The following ADARB1 variants were observed in gnomAD, a reference collection of about 807,000 sequenced individuals.
The protein encoded by ADARB1 is double-stranded RNA-specific editase 1.
A neutral mutation model predicts 52.4 loss-of-function variants in ADARB1; 10 were observed. The observed-to-expected ratio is 0.19, with a 90% CI of 0.12 to 0.32. The LOEUF is 0.32. ADARB1 is among the 10% of genes least tolerant of loss of function. The pLI is 1.00. For missense variants in ADARB1, 643 were observed against 922.3 expected (o/e 0.70, Z 3.92); for synonymous variants, 349 against 371.1 (o/e 0.94, Z 0.68).
chr21:45,149,642 A>G (rs915157025), intron 2 of ADARB1, among the ~76,000 whole-genome samples: 1 of 152,270 alleles, frequency 6.6e-6, no homozygotes. Context: ...TGTTCTGTTC[A>G]GAGGCCACTC....
At chr21:45,164,993 A>G (rs2091185051) in intron 2 of ADARB1, among the ~76,000 whole-genome samples, 1 of 152,154 alleles carries the variant, frequency 6.6e-6, no homozygotes, top group Admixed American at 6.5e-5. Flanking sequence ...GCTGCCCGGG[A>G]TGGCCAGGTG....
At chr21:45,207,353 C>G (rs1292421302) in intron 9 of ADARB1, among the ~76,000 whole-genome samples, 1 of 152,194 alleles carries the variant, frequency 6.6e-6, no homozygotes, top group Admixed American at 6.5e-5. Flanking sequence ...GACGAGGACT[C>G]CTGTGAATCA....
At chr21:45,145,361 G>A (rs1244586428) in intron 2 of ADARB1, 1 of 152,588 alleles carries the variant, frequency 6.6e-6, no homozygotes, top group Non-Finnish European at 1.5e-5. Flanking sequence ...GTTTCTGTGG[G>A]AAAGGCAGGG....
In ADARB1 at chr21:45,200,246, C is replaced by T. The variant is rs2092521496; in HGVS notation, c.1566-4309C>T. On this transcript the variant is annotated intron_variant, in intron 8 of 10. Transcript: ENST00000348831. This position sits in a 1 kb window ranked among gnomAD's most constrained non-coding sequence, Gnocchi z 5.0. Reference sequence around the variant, plus strand: ...TGGGGGTGGGGTGGGAGCCACAGCACTGCCATTGGAGGTCACCAGGGTGTC... The same window carrying T: ...TGGGGGTGGGGTGGGAGCCACAGCATTGCCATTGGAGGTCACCAGGGTGTC... Among the ~76,000 whole-genome samples the T allele has an allele frequency of 6.6e-6, 1 of 152,214 alleles. No homozygotes were observed. Among genetic ancestry groups the T allele is most frequent in the African/African-American group, 2.4e-5 (1 of 41,452 alleles).
At chr21:45,086,356 G>T (rs893639950) in intron 1 of ADARB1, among the ~76,000 whole-genome samples, 4 of 152,180 alleles carry the variant, frequency 2.6e-5, no homozygotes, top group Non-Finnish European at 5.9e-5. Context: ...TTAAACAGCT[G>T]CCATGAAATG....
At chr21:45,149,202 G>A (rs769505153) in intron 2 of ADARB1, among the ~76,000 whole-genome samples, 74 of 152,238 alleles carry the variant, frequency 4.9e-4, no homozygotes, top group Non-Finnish European at 9.3e-4. Context: ...TATTCCTCTC[G>A]GCAGGCTCCA....
intron 1 of ADARB1, among the ~76,000 whole-genome samples, chr21:45,084,906 C>G (rs2086281408): frequency 6.6e-6 from 1 of 152,162 alleles, no homozygotes; most frequent in African/African-American, 2.4e-5. Flanking sequence ...GGAATCTTTT[C>G]AAGAATGTAA....
At position 45,179,024 on chromosome 21, in the gene ADARB1, A is replaced by T. The variant is rs533517215; in HGVS notation, c.964-1306A>T. Among the ~76,000 whole-genome samples the T allele has an allele frequency of 2.0e-5, 3 of 152,306 alleles. No individual in the cohort carries two copies. The East Asian group carries it at 5.8e-4, about 29-fold the overall frequency. On this transcript the variant is annotated intron_variant, in intron 4 of 10. Transcript: ENST00000348831. The stretch of plus-strand genomic sequence containing the variant: ...TGGAAACTTTTATTTCCTCTGGCTT[A>T]TCCCTAATCTTCTTATGACTTTTTC...
Position 45,126,185 on chromosome 21 carries a change from T to A in ADARB1, c.-219-2217T>A, listed in dbSNP as rs536793960. On this transcript the variant is annotated intron_variant, in intron 1 of 10. Transcript: ENST00000348831. ...TATTACGATCAGAGGATGAGCTCTG[T>A]CTGATTTCAGCCACCTGAAATATGT... Among the ~76,000 whole-genome samples, 8 of 152,334 alleles carry A rather than the reference T, an allele frequency of 5.3e-5. No homozygotes were observed. In the East Asian group the frequency reaches 9.6e-4, roughly 18 times the overall value.
At chr21:45,103,695 C>G (rs899244242) in intron 1 of ADARB1, among the ~76,000 whole-genome samples, 1 of 151,996 alleles carries the variant, frequency 6.6e-6, no homozygotes, top group South Asian at 2.1e-4. Flanking sequence ...GGTTGGGACT[C>G]CTGTATTAAA....
chr21:45,199,416 G>A (rs2092500513), intron 8 of ADARB1, among the ~76,000 whole-genome samples: 1 of 152,210 alleles, frequency 6.6e-6, no homozygotes. Context: ...GAAGAGGACT[G>A]GGGCTCTGTC....
intron 4 of ADARB1, 44 bp from the exon 5 acceptor site, chr21:45,180,286 C>T (rs2091882178): frequency 2.1e-6 from 3 of 1,410,136 alleles, no homozygotes; most frequent in Non-Finnish European, 1.0e-6. Context: ...GCCCTGCTCC[C>T]AGCTGCATCT....
chr21:45,223,404 C>G lies in ADARB1; in HGVS notation c.*1207C>G. ...GGGACGGCCCCACGACAGAGGGAGTCAGCCCGGGAGGTCAGGAGCGCGGCG... is the reference window on the plus strand; with the variant it reads ...GGGACGGCCCCACGACAGAGGGAGTGAGCCCGGGAGGTCAGGAGCGCGGCG... On this transcript the variant is annotated 3_prime_UTR_variant, in exon 11 of 11. Transcript: ENST00000348831. The G allele has an allele frequency of 1.0e-6, 1 of 985,792 alleles. No homozygotes were observed. The allele number at this position is 985,792 out of a possible 1,614,324, so 61.1% of individuals were successfully genotyped here.
chr21:45,090,220 G>T (rs1040151396), intron 1 of ADARB1, among the ~76,000 whole-genome samples: 1 of 152,104 alleles, frequency 6.6e-6, no homozygotes, highest in African/African-American at 2.4e-5. Context: ...TTCATTAATA[G>T]ATTTCCTGAT....
At chr21:45,197,672 A>G (rs9974232) in intron 8 of ADARB1, among the ~76,000 whole-genome samples, 104,376 of 152,122 alleles carry the variant, frequency 0.69, 36,337 homozygotes, top group African/African-American at 0.81. Context: ...CAATCCACGC[A>G]GCCATCAACC....
intron 2 of ADARB1, chr21:45,146,397 A>G (rs2090009520): frequency 6.6e-6 from 1 of 152,270 alleles, no homozygotes; most frequent in Non-Finnish European, 1.5e-5. Flanking sequence ...TGAGTTATGC[A>G]TCAGTTGGGA....
At chr21:45,210,861 C>G (rs1419068079) in intron 9 of ADARB1, among the ~76,000 whole-genome samples, 1 of 152,202 alleles carries the variant, frequency 6.6e-6, no homozygotes, top group Admixed American at 6.5e-5. Context: ...GCCTCTCAGC[C>G]CCACTCCCCC....
intron 1 of ADARB1, among the ~76,000 whole-genome samples, chr21:45,109,242 TGC>T (rs1569015576): frequency 2.9e-5 from 4 of 136,950 alleles, no homozygotes; most frequent in African/African-American, 5.6e-5. Context: ...TATATGTGTG[TGC>T]GCGCGTGTGC....
chr21:45,226,458 T>G lies in ADARB1; in HGVS notation c.*4261T>G, dbSNP rs1168903341. 1.3e-5 allele frequency: 2 copies of G among 152,674 alleles called. No homozygotes were observed. The highest frequency in any genetic ancestry group is 2.9e-5 in the Non-Finnish European group (2 of 68,050). The allele number at this position is 152,674 out of a possible 1,614,324, so 9.5% of individuals were successfully genotyped here. On this transcript the variant is annotated 3_prime_UTR_variant, in exon 11 of 11. Transcript: ENST00000348831. Reference sequence around the variant, plus strand: ...GTATACACCACACGTTACAACTGCATGAGCTTCCTCTCGCACAAGACCAGC... The same window carrying G: ...GTATACACCACACGTTACAACTGCAGGAGCTTCCTCTCGCACAAGACCAGC...
Sources: gnomAD v4.1 joint callset for allele counts (sites outside exome capture counted in the v4.1 genomes callset) on GRCh38, gnomAD v4.1.1 for gene constraint, Gnocchi (gnomAD v3.1) non-coding constraint, MANE v1.5 for transcripts, NCBI Gene and HGNC (gene_info 2026-07-23, HGNC 2026-07-21) for gene names.